Variants in LINGO2 observed in about 807,000 individuals in gnomAD.
LINGO2 encodes the protein leucine rich repeat and Ig domain containing 2.
LINGO2 carries 14 observed loss-of-function variants against 30.6 expected under a neutral mutation model. That is an observed-to-expected ratio of 0.46 (90% CI 0.30 to 0.72). LINGO2 has a LOEUF of 0.72. LINGO2 is among the 30% of genes least tolerant of loss of function. The probability of loss-of-function intolerance (pLI) is 0.07; values close to 1 mark genes in which losing one functional copy is unlikely to be tolerated. For missense variants in LINGO2, 729 were observed against 751.7 expected, an observed-to-expected ratio of 0.97 and a Z score of 0.35; for synonymous variants, 317 against 288.5, an observed-to-expected ratio of 1.10 and a Z score of -1.00.
intron 4 of LINGO2, among the ~76,000 whole-genome samples, chr9:28,029,400 G>A (rs914150842): frequency 8.5e-5 from 13 of 152,210 alleles, no homozygotes; most frequent in Middle Eastern, 3.4e-3. Flanking sequence ...AACAGGCAGG[G>A]TACTTCTCAG....
At chr9:28,121,115 G>A (rs1827082932) in intron 4 of LINGO2, among the ~76,000 whole-genome samples, 1 of 152,050 alleles carries the variant, frequency 6.6e-6, no homozygotes, top group Non-Finnish European at 1.5e-5. Flanking sequence ...TTCATAGACT[G>A]TAAATTTGTG....
the LINGO2 span, among the ~76,000 whole-genome samples, chr9:28,938,849 A>G: frequency 3.3e-5 from 5 of 152,098 alleles, no homozygotes; most frequent in African/African-American, 1.2e-4. Context: ...ATATTATACT[A>G]TTTCTCATAT....
the LINGO2 span, among the ~76,000 whole-genome samples, chr9:28,956,970 T>A: frequency 6.6e-6 from 1 of 151,832 alleles, no homozygotes; most frequent in Admixed American, 6.6e-5. Context: ...AATGCCAAAC[T>A]TCGTACTTGC....
the LINGO2 span, among the ~76,000 whole-genome samples, chr9:28,817,568 T>C: frequency 7.9e-5 from 12 of 152,174 alleles, no homozygotes; most frequent in African/African-American, 2.9e-4. Flanking sequence ...AAAGTTTCAA[T>C]AGCAGAGATC....
intron 1 of LINGO2, among the ~76,000 whole-genome samples, chr9:28,511,311 C>A (rs2135363055): frequency 6.6e-6 from 1 of 152,284 alleles, no homozygotes; most frequent in African/African-American, 2.4e-5. Context: ...AATCAACCTG[C>A]CACCAGGTAG....
chr9:29,081,518 G>A, the LINGO2 span, among the ~76,000 whole-genome samples: 1 of 152,050 alleles, frequency 6.6e-6, no homozygotes, highest in Non-Finnish European at 1.5e-5. Context: ...TTGAAAACTG[G>A]CACAAGACAG....
At chr9:28,228,799 T>G (rs1020217489) in intron 4 of LINGO2, among the ~76,000 whole-genome samples, 2 of 151,652 alleles carry the variant, frequency 1.3e-5, no homozygotes, top group African/African-American at 2.4e-5. Flanking sequence ...AATTTAATAT[T>G]TTGGAATTAT....
At chr9:28,138,596 G>A (rs1395629007) in intron 4 of LINGO2, among the ~76,000 whole-genome samples, 1 of 152,152 alleles carries the variant, frequency 6.6e-6, no homozygotes, top group Non-Finnish European at 1.5e-5. Flanking sequence ...GCTTTGAAAA[G>A]TAGGCATTTT....
At chr9:27,995,032 G>A (rs990263336) in intron 5 of LINGO2, among the ~76,000 whole-genome samples, 2 of 152,026 alleles carry the variant, frequency 1.3e-5, no homozygotes, top group Non-Finnish European at 2.9e-5. Context: ...GAACCTCCTG[G>A]TAATGAAACA....
chr9:28,570,062 C>T (rs1003626635), intron 1 of LINGO2, among the ~76,000 whole-genome samples: 13 of 151,762 alleles, frequency 8.6e-5, no homozygotes, highest in Admixed American at 6.6e-4. Flanking sequence ...TGAAGATTAA[C>T]CAAGGGAAGG....
At chr9:29,153,536 C>A in the LINGO2 span, among the ~76,000 whole-genome samples, 2 of 151,862 alleles carry the variant, frequency 1.3e-5, no homozygotes, top group Non-Finnish European at 2.9e-5. Context: ...AAATACATGC[C>A]CTTGCAAATG....
At chr9:28,111,924 T>G (rs958783924) in intron 4 of LINGO2, among the ~76,000 whole-genome samples, 1 of 151,510 alleles carries the variant, frequency 6.6e-6, no homozygotes, top group Non-Finnish European at 1.5e-5. Flanking sequence ...TATTTTTTAT[T>G]ATACTCTAAG....
At chr9:28,640,429 TC>T (rs1827515580) in intron 1 of LINGO2, among the ~76,000 whole-genome samples, 1 of 152,094 alleles carries the variant, frequency 6.6e-6, no homozygotes, top group African/African-American at 2.4e-5. Flanking sequence ...CCAACTTGGT[TC>T]CATTCTCCCC....
chr9:29,000,091 C>T, the LINGO2 span, among the ~76,000 whole-genome samples: 1 of 151,896 alleles, frequency 6.6e-6, no homozygotes, highest in Non-Finnish European at 1.5e-5. Flanking sequence ...ACGTAATTTT[C>T]CAGGGAGTAC....
chr9:28,886,622 T>C, the LINGO2 span, among the ~76,000 whole-genome samples: 1 of 152,134 alleles, frequency 6.6e-6, no homozygotes, highest in African/African-American at 2.4e-5. Context: ...CAATTTTAAG[T>C]AATATATGTA....
chr9:28,366,782 G>T (rs554165083), intron 3 of LINGO2, among the ~76,000 whole-genome samples: 1 of 151,814 alleles, frequency 6.6e-6, no homozygotes, highest in East Asian at 1.9e-4. Context: ...TTTATTTTAT[G>T]AAAGTAATAC....
chr9:28,124,967 C>T (rs1260101845), intron 4 of LINGO2, among the ~76,000 whole-genome samples: 2 of 152,178 alleles, frequency 1.3e-5, no homozygotes, highest in East Asian at 1.9e-4. Context: ...ACACTAAACA[C>T]ATAGAATGAG....
At chr9:28,198,545 C>T (rs1238415108) in intron 4 of LINGO2, among the ~76,000 whole-genome samples, 3 of 152,106 alleles carry the variant, frequency 2.0e-5, no homozygotes, top group Admixed American at 2.0e-4. Flanking sequence ...ACTTATTTTG[C>T]TATTCCTTTT....
chr9:28,414,493 A>G (rs1460417132), intron 2 of LINGO2, among the ~76,000 whole-genome samples: 1 of 152,152 alleles, frequency 6.6e-6, no homozygotes, highest in African/African-American at 2.4e-5. Flanking sequence ...ATATTTGCCA[A>G]TCATTTTCTA....
Sources: allele counts gnomAD v4.1 joint callset (sites outside exome capture counted in the v4.1 genomes callset), GRCh38; gene constraint gnomAD v4.1.1; transcripts MANE v1.5; gene names NCBI Gene and HGNC (gene_info 2026-07-23, HGNC 2026-07-21).